Variants in SHROOM3 observed in about 807,000 individuals in gnomAD.
SHROOM3 encodes shroom family member 3, also known as protein Shroom3.
SHROOM3 carries 47 observed loss-of-function variants against 138.6 expected under a neutral mutation model. That is an observed-to-expected ratio of 0.34 (90% CI 0.27 to 0.43). The LOEUF (loss-of-function observed/expected upper bound fraction) is 0.43, where lower values mean the gene tolerates loss of function less well. Among genes scored for constraint, SHROOM3 ranks in the 20% least tolerant of loss-of-function variants. The pLI is 1.00. For missense variants in SHROOM3, 2,491 were observed against 2,596.5 expected, an observed-to-expected ratio of 0.96 and a Z score of 0.88; for synonymous variants, 1,062 against 1,063.3, an observed-to-expected ratio of 1.00 and a Z score of 0.02.
intron 2 of SHROOM3, among the ~76,000 whole-genome samples, chr4:76,641,082 T>C (rs1330491521): frequency 6.6e-6 from 1 of 152,170 alleles, no homozygotes; most frequent in Non-Finnish European, 1.5e-5. Flanking sequence ...TACTGGATAG[T>C]ATCTGTTGTA....
chr4:76,557,922 C>A (rs1483433050), intron 2 of SHROOM3, among the ~76,000 whole-genome samples: 1 of 152,136 alleles, frequency 6.6e-6, no homozygotes, highest in African/African-American at 2.4e-5. Context: ...AAACATGGGG[C>A]TGATGTTTCA....
At chr4:76,631,823 G>A (rs1735332913) in intron 2 of SHROOM3, among the ~76,000 whole-genome samples, 2 of 152,198 alleles carry the variant, frequency 1.3e-5, no homozygotes, top group African/African-American at 2.4e-5. Context: ...TAGAGTCAAT[G>A]AGGGAAAAAG....
At chr4:76,587,079 T>G (rs981207699) in intron 2 of SHROOM3, 2 of 152,212 alleles carry the variant, frequency 1.3e-5, no homozygotes, top group African/African-American at 4.8e-5. Context: ...CACCTACATT[T>G]AAGCAACAGT....
At chr4:76,682,019 C>T (rs1372616144) in intron 2 of SHROOM3, among the ~76,000 whole-genome samples, 1 of 152,102 alleles carries the variant, frequency 6.6e-6, no homozygotes, top group Non-Finnish European at 1.5e-5. Context: ...CTCCTAACTC[C>T]CCTCCACTTT....
At chr4:76,512,418 T>C (rs1322429794) in intron 1 of SHROOM3, among the ~76,000 whole-genome samples, 1 of 151,982 alleles carries the variant, frequency 6.6e-6, no homozygotes, top group Non-Finnish European at 1.5e-5. Context: ...TGCTAAGTGG[T>C]AAGAGCAGAA....
chr4:76,603,869 G>A (rs1415522825), intron 2 of SHROOM3, among the ~76,000 whole-genome samples: 28 of 133,766 alleles, frequency 2.1e-4, no homozygotes, highest in Non-Finnish European at 3.6e-4. Flanking sequence ...TTGAGATGGA[G>A]TCTTGCACTG....
At chr4:76,462,100 G>A (rs150906889) in intron 1 of SHROOM3, among the ~76,000 whole-genome samples, 200 of 152,184 alleles carry the variant, frequency 1.3e-3, no homozygotes, top group African/African-American at 4.6e-3. Flanking sequence ...CATTTTTAAA[G>A]CATGTTGGCT....
intron 2 of SHROOM3, among the ~76,000 whole-genome samples, chr4:76,576,772 C>A (rs146443363): frequency 6.6e-6 from 1 of 151,948 alleles, no homozygotes; most frequent in Non-Finnish European, 1.5e-5. Context: ...TAAATGTATA[C>A]ACCTACTTTA....
chr4:76,737,030 C>T (rs552837523), intron 4 of SHROOM3, among the ~76,000 whole-genome samples: 1 of 152,168 alleles, frequency 6.6e-6, no homozygotes, highest in African/African-American at 2.4e-5. Flanking sequence ...ATTATAGTAT[C>T]GTACAGAATA....
chr4:76,698,612 C>G (rs546849433), intron 2 of SHROOM3, among the ~76,000 whole-genome samples: 1 of 152,122 alleles, frequency 6.6e-6, no homozygotes, highest in Non-Finnish European at 1.5e-5. Flanking sequence ...GGGTCTCCTA[C>G]CCCAGAGCCT....
chr4:76,456,734 C>A (rs990794101), intron 1 of SHROOM3, among the ~76,000 whole-genome samples: 2 of 152,188 alleles, frequency 1.3e-5, no homozygotes, highest in Non-Finnish European at 2.9e-5. Flanking sequence ...TGTAAAGAGA[C>A]CACCAAATAG....
intron 2 of SHROOM3, among the ~76,000 whole-genome samples, chr4:76,595,669 T>C (rs1734366647): frequency 6.6e-6 from 1 of 152,058 alleles, no homozygotes; most frequent in African/African-American, 2.4e-5. Flanking sequence ...TGGCAGGGAG[T>C]CAGATTACCA....
intron 3 of SHROOM3, among the ~76,000 whole-genome samples, chr4:76,719,704 A>AC (rs1231899855): frequency 5.0e-5 from 6 of 119,722 alleles, no homozygotes; most frequent in African/African-American, 1.5e-4. Context: ...TTGAATGAAA[A>AC]ACACCCCTGT....
At chr4:76,626,936 C>T (rs1394390333) in intron 2 of SHROOM3, among the ~76,000 whole-genome samples, 2 of 152,160 alleles carry the variant, frequency 1.3e-5, no homozygotes, top group East Asian at 1.9e-4. Context: ...CTACCAACAA[C>T]AGCCTTCTTG....
chr4:76,767,365 C>T (rs1722192227), intron 9 of SHROOM3, among the ~76,000 whole-genome samples: 1 of 152,204 alleles, frequency 6.6e-6, no homozygotes, highest in South Asian at 2.1e-4. Context: ...AATTGATAAG[C>T]ATCACACATG....
At chr4:76,602,480 T>A (rs1734526462) in intron 2 of SHROOM3, among the ~76,000 whole-genome samples, 1 of 151,760 alleles carries the variant, frequency 6.6e-6, no homozygotes, top group Admixed American at 6.6e-5. Context: ...TTTTCTTGAT[T>A]TTTTTTTTCG....
chr4:76,464,398 A>G (rs1022845995), intron 1 of SHROOM3, among the ~76,000 whole-genome samples: 1 of 152,158 alleles, frequency 6.6e-6, no homozygotes, highest in Non-Finnish European at 1.5e-5. Flanking sequence ...GTATCTTGGA[A>G]GTAACTAATT....
At chr4:76,620,091 A>AAAAAAAAAAAAAAAAAAAAG (rs749696462) in intron 2 of SHROOM3, among the ~76,000 whole-genome samples, 3 of 135,354 alleles carry the variant, frequency 2.2e-5, no homozygotes, top group East Asian at 2.3e-4. Context: ...AAAAAAAAAA[A>AAAAAAAAAAAAAAAAAAAAG]AAGAAGAAAA....
intron 1 of SHROOM3, among the ~76,000 whole-genome samples, chr4:76,528,832 G>A (rs138238371): frequency 0.028 from 4,284 of 152,258 alleles, 213 homozygotes; most frequent in African/African-American, 0.096. Flanking sequence ...GGGATTACAG[G>A]TGTGGGCCAC....
Sources: gnomAD v4.1 joint callset for allele counts (sites outside exome capture counted in the v4.1 genomes callset) on GRCh38, gnomAD v4.1.1 for gene constraint, MANE v1.5 for transcripts, NCBI Gene and HGNC (gene_info 2026-07-23, HGNC 2026-07-21) for gene names.